ADCK1: variants seen among roughly 807,000 people sequenced by gnomAD.
The protein encoded by ADCK1 is aarF domain containing kinase 1.
In ADCK1, 41 loss-of-function variants were observed where a neutral mutation model predicts 52.3. The observed-to-expected ratio is 0.78, with a 90% CI of 0.61 to 1.02. ADCK1 has a LOEUF of 1.02. ADCK1 is among the 50% of genes least tolerant of loss of function. The pLI is 0.00. For synonymous variants in ADCK1, 250 were observed against 274.6 expected (o/e 0.91, Z 0.89); for missense variants, 658 against 679.5 (o/e 0.97, Z 0.35).
At chr14:77,921,851 A>G (rs1318706009) in intron 7 of ADCK1, among the ~76,000 whole-genome samples, 1 of 152,150 alleles carries the variant, frequency 6.6e-6, no homozygotes, top group Admixed American at 6.5e-5. Flanking sequence ...GCCATCTTTC[A>G]ATGTAGTAAT....
intron 5 of ADCK1, among the ~76,000 whole-genome samples, chr14:77,894,607 A>T (rs2083358492): frequency 6.6e-6 from 1 of 152,108 alleles, no homozygotes; most frequent in African/African-American, 2.4e-5. Flanking sequence ...ATTAAATGAA[A>T]GTGTATGTGT....
chr14:77,890,614 CAT>C (rs1418077982), intron 5 of ADCK1, among the ~76,000 whole-genome samples: 2 of 152,116 alleles, frequency 1.3e-5, no homozygotes, highest in East Asian at 1.9e-4. Context: ...TTTTGGAAAA[CAT>C]AGTCTGCCAG....
intron 3 of ADCK1, among the ~76,000 whole-genome samples, chr14:77,824,436 C>CTTT (rs755099441): frequency 7.5e-6 from 1 of 133,960 alleles, no homozygotes; most frequent in Non-Finnish European, 1.6e-5. Context: ...TTCTTTCTTT[C>CTTT]TTTTTTTTTT....
chr14:77,932,473 C>T (rs540364425), intron 10 of ADCK1, among the ~76,000 whole-genome samples: 99 of 152,210 alleles, frequency 6.5e-4, no homozygotes, highest in South Asian at 1.9e-3. Context: ...ACAAATACGT[C>T]GGAAGGGCCC....
intron 4 of ADCK1, among the ~76,000 whole-genome samples, chr14:77,870,325 G>T (rs1402708873): frequency 6.6e-6 from 1 of 152,216 alleles, no homozygotes; most frequent in Non-Finnish European, 1.5e-5. Flanking sequence ...CCTGCAGAAG[G>T]GCTGGTTTCT....
chr14:77,819,209 G>A, intron 2 of ADCK1, 96 bp downstream of exon 2: 1 of 1,527,602 alleles, frequency 6.5e-7, no homozygotes, highest in Non-Finnish European at 8.9e-7. Flanking sequence ...ATGCATATGT[G>A]GAGATACTTG....
intron 5 of ADCK1, among the ~76,000 whole-genome samples, chr14:77,893,737 C>CT (rs1555356623): frequency 0.1 from 5,115 of 50,340 alleles, 126 homozygotes; most frequent in Middle Eastern, 0.18. Context: ...TCCTTCCTTC[C>CT]TTTTTTTTTT....
intron 3 of ADCK1, among the ~76,000 whole-genome samples, chr14:77,849,382 C>G (rs984547676): frequency 6.6e-6 from 1 of 152,120 alleles, no homozygotes; most frequent in Non-Finnish European, 1.5e-5. Flanking sequence ...CCAACTGGTA[C>G]TCTCTAATTT....
rs117243781 is a variant in ADCK1, at chr14:77,857,243, A to G, written c.220-1833A>G. Among the ~76,000 whole-genome samples, 53 of 152,120 alleles carry G rather than the reference A, an allele frequency of 3.5e-4. No homozygotes were observed. The East Asian group carries it at 0.01, about 29-fold the overall frequency. The stretch of plus-strand genomic sequence containing the variant: ...TGGGTGGATTGCTTGAGCCTGGGAG[A>G]TGGAGACTGCTGTGAGCCATGATTA... On this transcript the variant is annotated intron_variant, in intron 3 of 10. Transcript: ENST00000238561.
chr14:77,853,181 C>T (rs80247587), intron 3 of ADCK1, among the ~76,000 whole-genome samples: 8,207 of 151,724 alleles, frequency 0.054, 306 homozygotes, highest in Middle Eastern at 0.092. Flanking sequence ...TTATGTCATC[C>T]ATGCCTTGGC....
intron 4 of ADCK1, among the ~76,000 whole-genome samples, chr14:77,880,182 C>T (rs975643138): frequency 2.6e-5 from 4 of 152,204 alleles, no homozygotes; most frequent in Admixed American, 2.6e-4. Context: ...AGCCGCTGGT[C>T]ATCATCTTGA....
rs192439572 is a variant in ADCK1, at chr14:77,848,086, T to G, written c.220-10990T>G. On this transcript the variant is annotated intron_variant, in intron 3 of 10. Transcript: ENST00000238561. ...TCTTTTAAAAATTTTTTAAAATAAA[T>G]AGAGATGGGGGTCTCATTTTGCTGA... Among the ~76,000 whole-genome samples the G allele has an allele frequency of 5.8e-4, 89 of 152,266 alleles. No homozygotes were observed. In the Middle Eastern group the frequency reaches 0.02, roughly 35 times the overall value.
At chr14:77,905,104 T>C (rs1433807575) in intron 6 of ADCK1, among the ~76,000 whole-genome samples, 1 of 152,080 alleles carries the variant, frequency 6.6e-6, no homozygotes, top group Non-Finnish European at 1.5e-5. Flanking sequence ...ATTCCACTGT[T>C]TCCCAGGTTT....
At chr14:77,896,003 C>T (rs2083401754) in intron 5 of ADCK1, among the ~76,000 whole-genome samples, 1 of 152,116 alleles carries the variant, frequency 6.6e-6, no homozygotes, top group South Asian at 2.1e-4. Flanking sequence ...GCCTTAGAAA[C>T]CAGTTCGATG....
intron 1 of ADCK1, among the ~76,000 whole-genome samples, chr14:77,807,532 G>A (rs1594846011): frequency 7.0e-6 from 1 of 143,212 alleles, no homozygotes; most frequent in Non-Finnish European, 1.5e-5. Context: ...TTTTTGAGAT[G>A]GAGTTTCGCC....
chr14:77,809,969 C>T (rs113206790), intron 1 of ADCK1, among the ~76,000 whole-genome samples: 7,645 of 138,656 alleles, frequency 0.055, 271 homozygotes, highest in African/African-American at 0.092. Context: ...GCCCAGGAGG[C>T]GGAGGCTGCA....
At chr14:77,898,266 C>T (rs937848018) in intron 5 of ADCK1, among the ~76,000 whole-genome samples, 2 of 152,194 alleles carry the variant, frequency 1.3e-5, no homozygotes, top group African/African-American at 4.8e-5. Context: ...CTTGTCTAAA[C>T]AACAGAAAAG....
At chr14:77,819,896 T>A (rs946054035) in intron 2 of ADCK1, among the ~76,000 whole-genome samples, 1 of 152,186 alleles carries the variant, frequency 6.6e-6, no homozygotes, top group Non-Finnish European at 1.5e-5. Flanking sequence ...ATCTCCCTAA[T>A]ACTCAGTGTT....
At chr14:77,849,778 C>T (rs2082245880) in intron 3 of ADCK1, among the ~76,000 whole-genome samples, 2 of 152,060 alleles carry the variant, frequency 1.3e-5, no homozygotes, top group Admixed American at 6.6e-5. Flanking sequence ...TGGGAATTTT[C>T]CAGAGATTTC....
Sources: gnomAD v4.1 joint callset for allele counts (sites outside exome capture counted in the v4.1 genomes callset) on GRCh38, gnomAD v4.1.1 for gene constraint, MANE v1.5 for transcripts, NCBI Gene and HGNC (gene_info 2026-07-23, HGNC 2026-07-21) for gene names.